The following SLC39A11 variants were observed in gnomAD, a reference collection of about 807,000 sequenced individuals.
SLC39A11 encodes the protein zinc transporter ZIP11.
A neutral mutation model predicts 36.1 loss-of-function variants in SLC39A11; 33 were observed. That is an observed-to-expected ratio of 0.91 (90% CI 0.69 to 1.22). SLC39A11 has a LOEUF of 1.22. Among genes scored for constraint, SLC39A11 ranks in the 50% most tolerant of loss-of-function variants. SLC39A11 has a pLI of 0.00. For synonymous variants in SLC39A11, 166 were observed against 170.3 expected (o/e 0.97, Z 0.20); for missense variants, 432 against 430.3 (o/e 1.00, Z -0.03).
intron 6 of SLC39A11, among the ~76,000 whole-genome samples, chr17:72,832,671 C>T (rs751123137): frequency 6.6e-6 from 1 of 152,152 alleles, no homozygotes; most frequent in Non-Finnish European, 1.5e-5. Flanking sequence ...AGAATCCAAC[C>T]TTGGTTAATG....
At chr17:72,765,888 T>A (rs1053117524) in intron 6 of SLC39A11, among the ~76,000 whole-genome samples, 2 of 152,034 alleles carry the variant, frequency 1.3e-5, no homozygotes, top group African/African-American at 2.4e-5. Flanking sequence ...TTCAACAACC[T>A]CAAGGGCCCA....
chr17:72,926,919 C>T (rs2084082419), intron 5 of SLC39A11, among the ~76,000 whole-genome samples: 1 of 151,686 alleles, frequency 6.6e-6, no homozygotes, highest in South Asian at 2.1e-4. Flanking sequence ...GATAAATGCC[C>T]CACGTGACCT....
chr17:72,810,310 GGT>G, intron 6 of SLC39A11, among the ~76,000 whole-genome samples: 1 of 152,124 alleles, frequency 6.6e-6, no homozygotes, highest in Non-Finnish European at 1.5e-5. Context: ...CACTCATTGT[GGT>G]TTTTCTCCTA....
chr17:73,079,720 C>T (rs949825413), intron 3 of SLC39A11, among the ~76,000 whole-genome samples: 7 of 152,096 alleles, frequency 4.6e-5, no homozygotes, highest in African/African-American at 1.2e-4. Context: ...TGTTTGCCGA[C>T]GATATGATCG....
At chr17:72,762,369 T>G (rs2075617405) in intron 6 of SLC39A11, among the ~76,000 whole-genome samples, 1 of 152,092 alleles carries the variant, frequency 6.6e-6, no homozygotes, top group South Asian at 2.1e-4. Flanking sequence ...TAAGAGACAC[T>G]CCCAATAGCA....
At chr17:72,930,124 T>C (rs987019712) in intron 5 of SLC39A11, among the ~76,000 whole-genome samples, 5 of 152,214 alleles carry the variant, frequency 3.3e-5, no homozygotes, top group African/African-American at 4.8e-5. Context: ...GCCCTCTGCA[T>C]ACAGCATTTT....
At chr17:73,027,496 A>G (rs2058598025) in intron 4 of SLC39A11, among the ~76,000 whole-genome samples, 1 of 152,244 alleles carries the variant, frequency 6.6e-6, no homozygotes, top group Non-Finnish European at 1.5e-5. Flanking sequence ...TAAATAATTG[A>G]AAACAAACAC....
chr17:72,821,892 C>A (rs2077797316), intron 6 of SLC39A11: 1 of 151,612 alleles, frequency 6.6e-6, no homozygotes. Flanking sequence ...AATCCCCACT[C>A]CACTGACAGG....
intron 5 of SLC39A11, among the ~76,000 whole-genome samples, chr17:72,935,058 G>A (rs1319866111): frequency 6.6e-6 from 1 of 152,212 alleles, no homozygotes; most frequent in Admixed American, 6.5e-5. Context: ...ACAAAAGCCT[G>A]TATGCCAATA....
At chr17:72,842,213 A>C (rs2078852746) in intron 6 of SLC39A11, among the ~76,000 whole-genome samples, 1 of 152,216 alleles carries the variant, frequency 6.6e-6, no homozygotes, top group African/African-American at 2.4e-5. Flanking sequence ...ATTGTAAGTC[A>C]GAGTGATAAT....
chr17:72,696,242 T>G (rs2072294855), intron 7 of SLC39A11, among the ~76,000 whole-genome samples: 1 of 151,992 alleles, frequency 6.6e-6, no homozygotes, highest in Admixed American at 6.5e-5. Context: ...TCGGAAAGCA[T>G]GGCAAAGCCT....
intron 5 of SLC39A11, chr17:72,947,448 C>A: frequency 2.4e-6 from 1 of 408,960 alleles, no homozygotes; most frequent in Non-Finnish European, 4.5e-6. Context: ...ACTCTCTAAC[C>A]CAAAGCAGCC....
chr17:72,966,224 C>T (rs549295377), intron 4 of SLC39A11, among the ~76,000 whole-genome samples: 1 of 152,324 alleles, frequency 6.6e-6, no homozygotes, highest in South Asian at 2.1e-4. Flanking sequence ...CCTGTGGGAA[C>T]ATCACATCCA....
intron 7 of SLC39A11, among the ~76,000 whole-genome samples, chr17:72,730,907 C>T (rs1252502113): frequency 6.6e-6 from 1 of 152,146 alleles, no homozygotes; most frequent in Non-Finnish European, 1.5e-5. Context: ...TGCGCCACCA[C>T]GTCCGGCGAA....
intron 6 of SLC39A11, among the ~76,000 whole-genome samples, chr17:72,745,017 T>G (rs1852475751): frequency 6.6e-6 from 1 of 152,168 alleles, no homozygotes; most frequent in Non-Finnish European, 1.5e-5. Context: ...AATTTTTGTA[T>G]TTCTAGTAGA....
intron 5 of SLC39A11, among the ~76,000 whole-genome samples, chr17:72,919,898 G>A (rs1325562869): frequency 6.6e-6 from 1 of 152,126 alleles, no homozygotes; most frequent in Non-Finnish European, 1.5e-5. Flanking sequence ...AAGCACAAAC[G>A]TGGTCACAAT....
At chr17:72,863,471 C>G (rs1180052437) in intron 5 of SLC39A11, among the ~76,000 whole-genome samples, 1 of 152,134 alleles carries the variant, frequency 6.6e-6, no homozygotes, top group African/African-American at 2.4e-5. Flanking sequence ...TGTGATGGTT[C>G]TACTCATAAG....
chr17:73,014,472 C>T (rs934074365), intron 4 of SLC39A11, among the ~76,000 whole-genome samples: 5 of 152,138 alleles, frequency 3.3e-5, no homozygotes, highest in South Asian at 4.1e-4. Context: ...ACCTGGGCAA[C>T]GTAGCAAGAC....
intron 5 of SLC39A11, among the ~76,000 whole-genome samples, chr17:72,860,521 G>A (rs1321454022): frequency 6.6e-6 from 1 of 152,188 alleles, no homozygotes; most frequent in Non-Finnish European, 1.5e-5. Context: ...AGGATGGTAG[G>A]TGCAGGCAGG....
Sources: gnomAD v4.1 joint callset for allele counts (sites outside exome capture counted in the v4.1 genomes callset) on GRCh38, gnomAD v4.1.1 for gene constraint, MANE v1.5 for transcripts, NCBI Gene and HGNC (gene_info 2026-07-23, HGNC 2026-07-21) for gene names.